Variants in CENPP observed in about 807,000 individuals in gnomAD.
CENPP encodes the protein centromere protein P.
Under a neutral mutation model 35.6 loss-of-function variants are expected in CENPP, and 24 were observed. The ratio of observed to expected loss-of-function variants is 0.67; its 90% CI spans 0.49 to 0.95. The LOEUF (loss-of-function observed/expected upper bound fraction) is 0.95, where lower values mean the gene tolerates loss of function less well. CENPP is among the 40% of genes least tolerant of loss of function. The pLI is 0.00. For synonymous variants in CENPP, 120 were observed against 125.5 expected, an observed-to-expected ratio of 0.96 and a Z score of 0.29; for missense variants, 332 against 345.3, an observed-to-expected ratio of 0.96 and a Z score of 0.31.
chr9:92,607,948 T>C (rs980411103), intron 5 of CENPP, among the ~76,000 whole-genome samples: 3 of 152,202 alleles, frequency 2.0e-5, no homozygotes, highest in Admixed American at 6.5e-5. Context: ...TCCCCACATA[T>C]GGCAACCAGC....
chr9:92,532,427 T>G (rs1269285776), intron 5 of CENPP, among the ~76,000 whole-genome samples: 1 of 152,126 alleles, frequency 6.6e-6, no homozygotes, highest in Non-Finnish European at 1.5e-5. Context: ...AAATAGTACA[T>G]TCTCTTTTCC....
chr9:92,326,222 C>G, intron 1 of CENPP, 117 bp downstream of exon 1: 1 of 690,408 alleles, frequency 1.4e-6, no homozygotes, highest in South Asian at 1.9e-5. Context: ...TGGGCATGAA[C>G]TGGCATTGAT....
At chr9:92,394,853 C>T (rs953365477) in intron 5 of CENPP, among the ~76,000 whole-genome samples, 5 of 151,608 alleles carry the variant, frequency 3.3e-5, no homozygotes, top group African/African-American at 9.7e-5. Context: ...GTGATCTGCC[C>T]GCCTCAGCCT....
At chr9:92,330,847 C>A (rs965910561) in intron 1 of CENPP, among the ~76,000 whole-genome samples, 4 of 151,874 alleles carry the variant, frequency 2.6e-5, no homozygotes, top group African/African-American at 9.7e-5. Context: ...CGCCACCACT[C>A]GAGGCTAATT....
chr9:92,545,368 G>A (rs913912077), intron 5 of CENPP, among the ~76,000 whole-genome samples: 4 of 152,218 alleles, frequency 2.6e-5, no homozygotes, highest in African/African-American at 7.2e-5. Flanking sequence ...TACTGGGAGC[G>A]GGCAGTGAGG....
At position 92,614,726 on chromosome 9, in the gene CENPP, T is replaced by TATAA. The variant is rs1851378541; in HGVS notation, c.*1582_*1585dup. 6.6e-6 allele frequency: 1 copy of TATAA among 152,620 alleles called. No individual in the cohort carries two copies. Among genetic ancestry groups the TATAA allele is most frequent in the Non-Finnish European group, 1.5e-5 (1 of 68,038 alleles). 9.5% of individuals were successfully genotyped at this position (152,620 alleles called of 1,614,324 possible). ...CTCCATTAGTCCCTCAAAACGATGA[T>TATAA]ATAAATAAGTCTGTACAACCTAGCA... On this transcript the variant is annotated 3_prime_UTR_variant, in exon 8 of 8. Coordinates refer to ENST00000375587, the MANE Select transcript of CENPP (RefSeq NM_001012267.3).
Position 92,461,919 on chromosome 9 carries a change from A to T in CENPP, c.564+82060A>T, listed in dbSNP as rs1845128529. Among the ~76,000 whole-genome samples the T allele has an allele frequency of 1.3e-5, 2 of 152,100 alleles. 1 individual carries two copies. The highest frequency in any genetic ancestry group is 3.8e-4 in the East Asian group (2 of 5,198). ...GTGTTTTTTTTAAAACACCATTATAAACACGGATTTTTACCCTATTTGATA... is the reference window on the plus strand; with the variant it reads ...GTGTTTTTTTTAAAACACCATTATATACACGGATTTTTACCCTATTTGATA... On this transcript the variant is annotated intron_variant, in intron 5 of 7. Coordinates refer to ENST00000375587, the MANE Select transcript of CENPP (RefSeq NM_001012267.3).
At chr9:92,390,739 A>G (rs1842644131) in intron 5 of CENPP, among the ~76,000 whole-genome samples, 1 of 152,246 alleles carries the variant, frequency 6.6e-6, no homozygotes, top group African/African-American at 2.4e-5. Flanking sequence ...ATACAGGGTT[A>G]TGTTCCTGTG....
chr9:92,331,515 T>G (rs1322217567), intron 1 of CENPP, among the ~76,000 whole-genome samples: 1 of 152,246 alleles, frequency 6.6e-6, no homozygotes, highest in Non-Finnish European at 1.5e-5. Flanking sequence ...TAAAATAATT[T>G]GAGAGATATA....
At chr9:92,513,622 T>G (rs1847498904) in intron 5 of CENPP, among the ~76,000 whole-genome samples, 1 of 152,192 alleles carries the variant, frequency 6.6e-6, no homozygotes, top group Non-Finnish European at 1.5e-5. Context: ...AGGAATGAAC[T>G]ACTGATACAC....
intron 5 of CENPP, among the ~76,000 whole-genome samples, chr9:92,568,452 A>G (rs960566499): frequency 1.3e-5 from 2 of 152,122 alleles, no homozygotes; most frequent in Non-Finnish European, 2.9e-5. Flanking sequence ...TCCATGGTGT[A>G]TATGTGCCAC....
chr9:92,384,826 C>T (rs1842360414), intron 5 of CENPP: 1 of 151,876 alleles, frequency 6.6e-6, no homozygotes, highest in Non-Finnish European at 1.5e-5. Context: ...AAAGACTTTG[C>T]CATAGAGAAC....
chr9:92,473,269 A>T (rs750039397), intron 5 of CENPP, among the ~76,000 whole-genome samples: 7 of 152,144 alleles, frequency 4.6e-5, no homozygotes, highest in Non-Finnish European at 8.8e-5. Flanking sequence ...GCCGTGGCAC[A>T]TATGGAGGCC....
intron 5 of CENPP, chr9:92,404,787 A>AT (rs1843259658): frequency 2.3e-6 from 1 of 434,564 alleles, no homozygotes; most frequent in African/African-American, 2.2e-5. Flanking sequence ...AACTTGTGTG[A>AT]TTTTATTATT....
chr9:92,514,314 G>A (rs2131205202), intron 5 of CENPP, among the ~76,000 whole-genome samples: 1 of 146,624 alleles, frequency 6.8e-6, no homozygotes, highest in East Asian at 2.0e-4. Context: ...TCGCTCAAGT[G>A]CCCAGGCTAG....
chr9:92,596,599 C>T (rs987935940), intron 5 of CENPP, among the ~76,000 whole-genome samples: 2 of 151,854 alleles, frequency 1.3e-5, no homozygotes, highest in African/African-American at 2.4e-5. Context: ...CCAATTTGCT[C>T]AGAAATGGGA....
chr9:92,419,299 CTT>C (rs34582930), intron 5 of CENPP, among the ~76,000 whole-genome samples: 40 of 117,058 alleles, frequency 3.4e-4, no homozygotes, highest in Middle Eastern at 9.3e-3. Flanking sequence ...TGCCTTGTGT[CTT>C]TTTTTTTTTT....
chr9:92,406,692 T>C (rs1251904586), intron 5 of CENPP, among the ~76,000 whole-genome samples: 3 of 152,138 alleles, frequency 2.0e-5, no homozygotes, highest in East Asian at 1.9e-4. Flanking sequence ...TCTAAGCCCA[T>C]GTGGTTGTTG....
At chr9:92,357,442 T>G (rs1841619077) in intron 4 of CENPP, among the ~76,000 whole-genome samples, 1 of 150,202 alleles carries the variant, frequency 6.7e-6, no homozygotes, top group African/African-American at 2.4e-5. Flanking sequence ...TCCAGCCACA[T>G]CCCTTTGATC....
Sources: allele counts gnomAD v4.1 joint callset (sites outside exome capture counted in the v4.1 genomes callset), GRCh38; gene constraint gnomAD v4.1.1; transcripts MANE v1.5; gene names NCBI Gene and HGNC (gene_info 2026-07-23, HGNC 2026-07-21).